The following GPC5 variants were observed in gnomAD, a reference collection of about 807,000 sequenced individuals.
The protein encoded by GPC5 is glypican-5.
Under a neutral mutation model 53.9 loss-of-function variants are expected in GPC5, and 47 were observed. The ratio of observed to expected loss-of-function variants is 0.87; its 90% CI spans 0.69 to 1.11. The LOEUF (loss-of-function observed/expected upper bound fraction) is 1.11, where lower values mean the gene tolerates loss of function less well. Among genes scored for constraint, GPC5 ranks in the 50% most tolerant of loss-of-function variants. GPC5 has a pLI of 0.00. For missense variants in GPC5, 748 were observed against 713.1 expected, an observed-to-expected ratio of 1.05 and a Z score of -0.56; for synonymous variants, 286 against 263.3, an observed-to-expected ratio of 1.09 and a Z score of -0.84.
intron 7 of GPC5, among the ~76,000 whole-genome samples, chr13:92,602,551 T>G (rs2139083370): frequency 6.6e-6 from 1 of 152,136 alleles, no homozygotes; most frequent in South Asian, 2.1e-4. Flanking sequence ...AGCAGCTTAT[T>G]TCTTTTACAC....
Position 92,866,677 on chromosome 13 carries a change from ATATAT to A in GPC5, c.*241_*245del. On this transcript the variant is annotated 3_prime_UTR_variant, in exon 8 of 8. Coordinates refer to ENST00000377067, the MANE Select transcript of GPC5 (RefSeq NM_004466.6). The stretch of plus-strand genomic sequence containing the variant: ...TAACTGAAAACCTTCTTAACTTCTA[ATATAT>A]TAAATCTGAAGATGTGAAGGGCACA... 1 of 297,048 alleles carries A rather than the reference ATATAT, an allele frequency of 3.4e-6. No individual in the cohort carries two copies. Among genetic ancestry groups the A allele is most frequent in the East Asian group, 5.6e-5 (1 of 17,924 alleles). 18.4% of individuals were successfully genotyped at this position (297,048 alleles called of 1,614,324 possible). A position where few individuals can be genotyped will look rare whatever the true frequency, so the allele number is the denominator to read the frequency against.
chr13:92,156,095 C>CA (rs2041943193), intron 7 of GPC5, among the ~76,000 whole-genome samples: 1 of 152,058 alleles, frequency 6.6e-6, no homozygotes, highest in Non-Finnish European at 1.5e-5. Flanking sequence ...CATGTAGTGT[C>CA]AAAAAATATG....
intron 6 of GPC5, among the ~76,000 whole-genome samples, chr13:91,911,893 G>A (rs930977325): frequency 2.6e-5 from 4 of 152,106 alleles, no homozygotes; most frequent in African/African-American, 2.4e-5. Context: ...TAGGTCTGGC[G>A]GAGGGTTCCT....
chr13:91,978,300 T>A (rs1594702033), intron 6 of GPC5, among the ~76,000 whole-genome samples: 1 of 152,364 alleles, frequency 6.6e-6, no homozygotes, highest in African/African-American at 2.4e-5. Context: ...TGCTCTGAAT[T>A]TTTATTTGCC....
chr13:91,865,845 A>G (rs577034998), intron 5 of GPC5, among the ~76,000 whole-genome samples: 14 of 152,144 alleles, frequency 9.2e-5, no homozygotes, highest in African/African-American at 2.9e-4. Context: ...TGTCACATCA[A>G]TTTGACTGCC....
chr13:92,729,491 C>A (rs965005538), intron 7 of GPC5, among the ~76,000 whole-genome samples: 1 of 151,362 alleles, frequency 6.6e-6, no homozygotes, highest in African/African-American at 2.4e-5. Flanking sequence ...ATATTAAGAT[C>A]AATTTTACCT....
At chr13:92,482,563 C>T (rs1185837449) in intron 7 of GPC5, among the ~76,000 whole-genome samples, 2 of 152,098 alleles carry the variant, frequency 1.3e-5, no homozygotes, top group African/African-American at 4.8e-5. Context: ...CAGCTTTGGC[C>T]AGGGTTTTTT....
chr13:92,610,100 T>C (rs1884386978), intron 7 of GPC5, among the ~76,000 whole-genome samples: 1 of 150,666 alleles, frequency 6.6e-6, no homozygotes, highest in Non-Finnish European at 1.5e-5. Flanking sequence ...AAAGTTGAAC[T>C]TTGTGTTCAA....
At chr13:92,192,731 C>T (rs73624830) in intron 7 of GPC5, among the ~76,000 whole-genome samples, 2,624 of 152,086 alleles carry the variant, frequency 0.017, 62 homozygotes, top group African/African-American at 0.059. Flanking sequence ...TCTATGCCCA[C>T]GTATGGGATT....
intron 5 of GPC5, among the ~76,000 whole-genome samples, chr13:91,774,551 G>A (rs138691671): frequency 5.9e-5 from 9 of 152,232 alleles, no homozygotes; most frequent in East Asian, 1.9e-4. Context: ...AAATCAGTCC[G>A]TAAGGAATTA....
chr13:92,112,273 C>A (rs9589430), intron 6 of GPC5, among the ~76,000 whole-genome samples: 10,442 of 151,686 alleles, frequency 0.069, 783 homozygotes, highest in African/African-American at 0.19. Context: ...TAATAATTAT[C>A]GATAAGGTAA....
intron 7 of GPC5, among the ~76,000 whole-genome samples, chr13:92,779,305 A>G (rs1488492690): frequency 2.0e-5 from 3 of 152,102 alleles, no homozygotes; most frequent in African/African-American, 7.2e-5. Context: ...TCCTCCCACA[A>G]CACATGGGAA....
chr13:92,285,622 C>G (rs1303482884), intron 7 of GPC5, among the ~76,000 whole-genome samples: 5 of 152,164 alleles, frequency 3.3e-5, no homozygotes, highest in African/African-American at 1.2e-4. Context: ...TCAAACCTGA[C>G]AAAAACAAGC....
intron 5 of GPC5, among the ~76,000 whole-genome samples, chr13:91,831,772 A>T (rs1055508343): frequency 6.6e-6 from 1 of 152,008 alleles, no homozygotes; most frequent in Non-Finnish European, 1.5e-5. Flanking sequence ...TGCAGTTTTG[A>T]GTGAGTTTCT....
chr13:91,716,428 G>A (rs985563698), intron 3 of GPC5, among the ~76,000 whole-genome samples: 1 of 152,068 alleles, frequency 6.6e-6, no homozygotes, highest in Non-Finnish European at 1.5e-5. Context: ...TTGATACTGT[G>A]AATATTTAAA....
At chr13:91,594,488 A>G (rs1057363423) in intron 2 of GPC5, among the ~76,000 whole-genome samples, 5 of 152,214 alleles carry the variant, frequency 3.3e-5, no homozygotes, top group African/African-American at 1.2e-4. Context: ...GTTGGCTTTT[A>G]AGCATTGATC....
intron 7 of GPC5, among the ~76,000 whole-genome samples, chr13:92,519,990 A>G (rs1031497805): frequency 5.3e-5 from 8 of 152,240 alleles, no homozygotes; most frequent in South Asian, 2.1e-4. Flanking sequence ...ATCAGAGAAT[A>G]CTATAAACAC....
chr13:91,840,739 T>A (rs1440873129), intron 5 of GPC5, among the ~76,000 whole-genome samples: 2 of 150,664 alleles, frequency 1.3e-5, no homozygotes, highest in Non-Finnish European at 2.9e-5. Flanking sequence ...CATAAGTTCC[T>A]ATTTTTATTT....
rs1454696408 is a variant in GPC5, at chr13:92,632,309, C to T, written c.1562-233973C>T. Among the ~76,000 whole-genome samples the T allele has an allele frequency of 2.0e-5, 3 of 151,856 alleles. No individual in the cohort carries two copies. The East Asian group carries it at 5.8e-4, about 29-fold the overall frequency. The stretch of plus-strand genomic sequence containing the variant: ...AGAAATTTCATAAGCATCATTTTGG[C>T]ATTTGATTTTCTAATAGCATCTTCA... On this transcript the variant is annotated intron_variant, in intron 7 of 7. Transcript: ENST00000377067.
Sources: allele counts gnomAD v4.1 joint callset (sites outside exome capture counted in the v4.1 genomes callset), GRCh38; gene constraint gnomAD v4.1.1; transcripts MANE v1.5; gene names NCBI Gene and HGNC (gene_info 2026-07-23, HGNC 2026-07-21).